Variants in MOK observed in about 807,000 individuals in gnomAD.
The protein encoded by MOK is MOK protein kinase, also known as MAPK/MAK/MRK overlapping kinase.
A neutral mutation model predicts 54.2 loss-of-function variants in MOK; 59 were observed. The ratio of observed to expected loss-of-function variants is 1.09; its 90% CI spans 0.88 to 1.35. MOK has a LOEUF of 1.35. Ranked by LOEUF, MOK falls within the 40% of genes most tolerant of loss-of-function variation. MOK has a pLI of 0.00. For missense variants in MOK, 517 were observed against 526.2 expected (o/e 0.98, Z 0.17); for synonymous variants, 210 against 202.7 (o/e 1.04, Z -0.31).
At chr14:102,259,692 C>T (rs764506752) in intron 4 of MOK, among the ~76,000 whole-genome samples, 1 of 152,108 alleles carries the variant, frequency 6.6e-6, no homozygotes, top group Admixed American at 6.5e-5. Flanking sequence ...AGGTATATAA[C>T]CTTGGACAAG....
At chr14:102,286,912 A>AAATAATAATAAT (rs56108099) in intron 1 of MOK, among the ~76,000 whole-genome samples, 72 of 145,510 alleles carry the variant, frequency 4.9e-4, no homozygotes, top group African/African-American at 1.1e-3. Flanking sequence ...TCCGTCTCAA[A>AAATAATAATAAT]AATAATAATA....
At position 102,232,580 on chromosome 14, in the gene MOK, A is replaced by G. The variant is rs1250698064; in HGVS notation, c.821T>C (p.Ile274Thr). 1 of 1,613,686 alleles carries G rather than the reference A, an allele frequency of 6.2e-7. No homozygotes were observed. Among genetic ancestry groups the G allele is most frequent in the African/African-American group, 1.3e-5 (1 of 74,816 alleles). Residue 274 changes from isoleucine (I) to threonine (T), a missense_variant, in exon 9 of 12, where the codon ATC (isoleucine) becomes ACC (threonine). Coordinates refer to ENST00000361847, the MANE Select transcript of MOK (RefSeq NM_014226.3). The surrounding 1 kb of genome is among the most constrained non-coding windows in gnomAD (Gnocchi z 5.1). Reference sequence around the variant, plus strand: ...GTGCTGCAGGGCCTGGTGGGCGGCGATTCTCTCATCGGGATCATAGGCCAC... The same window carrying G: ...GTGCTGCAGGGCCTGGTGGGCGGCGGTTCTCTCATCGGGATCATAGGCCAC... ...AMVAYDPDER[I>T]AAHQALQHPY...
chr14:102,280,227 G>A (rs534166894), intron 2 of MOK, among the ~76,000 whole-genome samples: 1 of 152,068 alleles, frequency 6.6e-6, no homozygotes, highest in South Asian at 2.1e-4. Context: ...AAGGCAGAGT[G>A]AGACAGGGTC....
In MOK at chr14:102,235,446, T is replaced by C. The variant is rs1057457480; in HGVS notation, c.591-1657A>G. Reference sequence around the variant, plus strand: ...GAGTGTGGCTTGCAGCCCAGGCCCATGCCGATGACCTCCATCGGCAAGATC... The same window carrying C: ...GAGTGTGGCTTGCAGCCCAGGCCCACGCCGATGACCTCCATCGGCAAGATC... On this transcript the variant is annotated intron_variant, in intron 7 of 11. Transcript: ENST00000361847. This position sits in a 1 kb window ranked among gnomAD's most constrained non-coding sequence, Gnocchi z 4.4. The C allele has an allele frequency of 2.6e-5, 4 of 152,032 alleles. No homozygotes were observed. Among genetic ancestry groups the C allele is most frequent in the African/African-American group, 9.7e-5 (4 of 41,386 alleles). 9.4% of individuals were successfully genotyped at this position (152,032 alleles called of 1,614,324 possible).
chr14:102,233,581 A>C, intron 8 of MOK, 107 bp downstream of exon 8: 1 of 903,642 alleles, frequency 1.1e-6, no homozygotes, highest in Non-Finnish European at 1.8e-6. Flanking sequence ...TAGTCAGCCA[A>C]AGGAGCTCCT....
In MOK at chr14:102,283,648, C is replaced by G. The variant is rs529318220; in HGVS notation, c.8-56G>C. ...TGTTATTTATGCATACACTTGTATT[C>G]ACTTCCAGACAGCAAACTTTTAATC... On this transcript the variant is annotated intron_variant, in intron 1 of 11. Transcript: ENST00000361847. The G allele has an allele frequency of 3.8e-5, 40 of 1,050,686 alleles. No individual in the cohort carries two copies. In the African/African-American group the frequency reaches 6.5e-4, roughly 17 times the overall value. The allele number at this position is 1,050,686 out of a possible 1,614,324, so 65.1% of individuals were successfully genotyped here.
chr14:102,220,209 C>T (rs2063730799), downstream of MOK, among the ~76,000 whole-genome samples: 1 of 152,142 alleles, frequency 6.6e-6, no homozygotes, highest in South Asian at 2.1e-4. This position sits in a 1 kb window ranked among gnomAD's most constrained non-coding sequence, Gnocchi z 4.2. Flanking sequence ...CAGCCGAGTC[C>T]TCTGGGGCCT....
chr14:102,260,647 T>A (rs989041173), intron 4 of MOK: 2 of 152,104 alleles, frequency 1.3e-5, no homozygotes, highest in Admixed American at 6.6e-5. Context: ...CATCTCAGAG[T>A]TGGTGCACTG....
downstream of MOK, chr14:102,224,832 G>C: frequency 2.2e-6 from 1 of 455,648 alleles, no homozygotes; most frequent in South Asian, 1.6e-5. Context: ...AAGACTTGCT[G>C]TTCTAAATGA....
chr14:102,265,535 G>A (rs551654499), intron 3 of MOK, among the ~76,000 whole-genome samples: 1 of 152,278 alleles, frequency 6.6e-6, no homozygotes, highest in East Asian at 1.9e-4. Context: ...GGGAGGCTGA[G>A]GCAGGAGATG....
chr14:102,265,874 A>G lies in MOK; in HGVS notation c.161T>C (p.Leu54Pro), dbSNP rs780024030. The G allele has an allele frequency of 4.3e-6, 7 of 1,614,060 alleles. No individual in the cohort carries two copies. The highest frequency in any genetic ancestry group is 1.6e-4 in the Middle Eastern group (1 of 6,062). The change falls in exon 3 of 12, where the codon CTG (leucine) becomes CCG (proline). Residue 54 changes from leucine (L) to proline (P), a missense_variant. Physicochemically the swap from Leu to Pro is moderately conservative, Grantham distance 98. Coordinates refer to ENST00000361847, the MANE Select transcript of MOK (RefSeq NM_014226.3). ...GTTTGGGTGCGGATTCAGGCGCCTC[A>G]GTGCTTGGATCTCTCGTAGGTTGTT... ...QVNNLREIQA[L>P]RRLNPHPNIL...
chr14:102,263,822 C>T (rs2067668025), intron 3 of MOK: 2 of 419,136 alleles, frequency 4.8e-6, no homozygotes, highest in East Asian at 7.8e-5. Flanking sequence ...CAAAACCCAA[C>T]TTTGAACAAA....
intron 2 of MOK, among the ~76,000 whole-genome samples, chr14:102,277,108 T>G (rs2068949756): frequency 6.7e-6 from 1 of 148,944 alleles, no homozygotes; most frequent in South Asian, 2.2e-4. Flanking sequence ...TCCAGCCTGG[T>G]CTCAAATTCC....
chr14:102,215,463 T>G, the MOK span, among the ~76,000 whole-genome samples: 4 of 152,308 alleles, frequency 2.6e-5, no homozygotes, highest in Non-Finnish European at 5.9e-5. Flanking sequence ...GCTTGCTTTT[T>G]TTTATTTTGC....
intron 7 of MOK, among the ~76,000 whole-genome samples, chr14:102,241,847 C>G (rs1469827062): frequency 6.6e-6 from 1 of 152,238 alleles, no homozygotes; most frequent in Non-Finnish European, 1.5e-5. Flanking sequence ...TTCCAAACGT[C>G]TGAACCGCAG....
chr14:102,231,661 G>C lies in MOK; in HGVS notation c.981+46C>G, dbSNP rs770582823. On this transcript the variant is annotated intron_variant, in intron 10 of 11. Coordinates refer to ENST00000361847, the MANE Select transcript of MOK (RefSeq NM_014226.3). The surrounding 1 kb of genome is among the most constrained non-coding windows in gnomAD (Gnocchi z 4.4). ...GACACAGGCCACCCGAGGGCATCCA[G>C]TCCCGGCTGAGCTAGGCAGTCTCCG... is the stretch of plus-strand genomic sequence containing the variant. 2.6e-6 allele frequency: 4 copies of C among 1,568,022 alleles called. No individual in the cohort carries two copies. Among genetic ancestry groups the C allele is most frequent in the Non-Finnish European group, 3.5e-6 (4 of 1,141,884 alleles).
intron 2 of MOK, among the ~76,000 whole-genome samples, chr14:102,281,263 G>A (rs1169365791): frequency 6.6e-6 from 1 of 151,772 alleles, no homozygotes; most frequent in Non-Finnish European, 1.5e-5. Flanking sequence ...GGCAGAGGTT[G>A]CAGTGAGCCA....
chr14:102,289,789 G>A (rs894487021), intron 1 of MOK, among the ~76,000 whole-genome samples: 2 of 152,104 alleles, frequency 1.3e-5, no homozygotes, highest in African/African-American at 4.8e-5. Context: ...TTATAGGCGT[G>A]AGCCACTGCA....
chr14:102,285,433 T>C (rs1017399352), intron 1 of MOK, among the ~76,000 whole-genome samples: 1 of 152,212 alleles, frequency 6.6e-6, no homozygotes, highest in African/African-American at 2.4e-5. Context: ...CCTTTCCACA[T>C]GCACATTTCA....
Sources: allele counts gnomAD v4.1 joint callset (sites outside exome capture counted in the v4.1 genomes callset), GRCh38; gene constraint gnomAD v4.1.1; non-coding constraint Gnocchi (gnomAD v3.1); transcripts MANE v1.5; gene names NCBI Gene and HGNC (gene_info 2026-07-23, HGNC 2026-07-21).